Variants in MAGEA11 observed in about 807,000 individuals in gnomAD.
MAGEA11 encodes the protein melanoma-associated antigen 11.
In MAGEA11, 1 loss-of-function variant was observed where a neutral mutation model predicts 8.4. The ratio of observed to expected loss-of-function variants is 0.12; its 90% CI spans 0.04 to 0.57. The LOEUF is 0.57. MAGEA11 is among the 20% of genes least tolerant of loss of function. MAGEA11 has a pLI of 0.91. For synonymous variants in MAGEA11, 127 were observed against 119.3 expected (o/e 1.06, Z -0.42); for missense variants, 209 against 317.3 (o/e 0.66, Z 2.59).
chrX:149,706,240 C>A (rs1557361456), intron 1 of MAGEA11, among the ~76,000 whole-genome samples: 1 of 111,788 alleles, frequency 8.9e-6, no homozygotes, highest in Non-Finnish European at 1.9e-5. Flanking sequence ...CTAATTTGAC[C>A]TGAGGATATT....
chrX:149,715,533 A>T, intron 3 of MAGEA11, 71 bp from the exon 4 acceptor site: 1 of 755,329 alleles, frequency 1.3e-6, no homozygotes, highest in Non-Finnish European at 2.0e-6. Context: ...CACCTGCCCT[A>T]CCTCAGTCCT....
At chrX:149,715,463 C>T in intron 3 of MAGEA11, 141 bp from the exon 4 acceptor site, 1 of 464,024 alleles carries the variant, frequency 2.2e-6, no homozygotes, top group South Asian at 3.3e-5. Context: ...GATGTTCACC[C>T]TTAATCTACA....
Position 149,704,394 on chromosome X carries a change from A to G in MAGEA11, c.10-10087A>G, listed in dbSNP as rs139367530. 4.7e-3 allele frequency among the ~76,000 whole-genome samples: 523 copies of G among 112,454 alleles called. 6 individuals are homozygous for G. Among genetic ancestry groups the G allele is most frequent in the African/African-American group, 0.016 (502 of 30,984 alleles). ...TGAAGACATTAAAGAGTTAAGTGGG[A>G]TTGAGAAGGGACTTCGCTCACTATT... On this transcript the variant is annotated intron_variant, in intron 1 of 3. Transcript: ENST00000333104.
At chrX:149,710,831 AAAAT>A (rs782090675), upstream of MAGEA11, among the ~76,000 whole-genome samples, 257 of 111,135 alleles carry the variant, frequency 2.3e-3, no homozygotes, top group African/African-American at 7.8e-3. Flanking sequence ...CTAAAGAATA[AAAAT>A]AAATAAATAA....
chrX:149,691,292 T>C (rs782068578), intron 1 of MAGEA11, among the ~76,000 whole-genome samples: 87 of 111,683 alleles, frequency 7.8e-4, no homozygotes, highest in African/African-American at 2.7e-3. Flanking sequence ...TATACATTCA[T>C]AAATTTTTAA....
chrX:149,704,339 C>T (rs1364807282), intron 1 of MAGEA11, among the ~76,000 whole-genome samples: 1 of 112,492 alleles, frequency 8.9e-6, no homozygotes, highest in Admixed American at 9.4e-5. Flanking sequence ...TAACAGAACA[C>T]TGGGGATCCA....
At chrX:149,696,958 C>T (rs1336877281) in intron 1 of MAGEA11, among the ~76,000 whole-genome samples, 2 of 111,873 alleles carry the variant, frequency 1.8e-5, no homozygotes, top group Admixed American at 1.9e-4. Flanking sequence ...TTTCCGTGGC[C>T]ACTGGCATCT....
chrX:149,693,751 A>T (rs1249155980), intron 1 of MAGEA11, among the ~76,000 whole-genome samples: 1 of 111,945 alleles, frequency 8.9e-6, no homozygotes, highest in East Asian at 2.8e-4. Flanking sequence ...TCTTGGCAGG[A>T]ATTAATCTAC....
Position 149,713,184 on chromosome X carries a change from G to T in MAGEA11, c.25G>T (p.Gly9Cys). 1 of 1,207,857 alleles carries T rather than the reference G, an allele frequency of 8.3e-7. No individual in the cohort carries two copies. Among genetic ancestry groups the T allele is most frequent in the Non-Finnish European group, 1.1e-6 (1 of 893,594 alleles). METQFRRG[G>C]LGCSPASIKR... ...GATGGAGACTCAGTTCCGCAGAGGG[G>T]GTCTGGGGTGCAGCCCTGCCAGCAT... The change falls in exon 2 of 5, where the codon GGT becomes TGT. Residue 9 changes from glycine (G) to cysteine (C), a missense_variant. Coordinates refer to ENST00000355220, the MANE Select transcript of MAGEA11 (RefSeq NM_005366.5).
intron 1 of MAGEA11, among the ~76,000 whole-genome samples, chrX:149,706,124 A>G (rs997180367): frequency 3.8e-4 from 42 of 111,920 alleles, no homozygotes; most frequent in African/African-American, 1.3e-3. Context: ...CTAAGGCACT[A>G]TAGATGGATC....
intron 3 of MAGEA11, 76 bp downstream of exon 3, chrX:149,714,652 C>A (rs1337027158): frequency 2.7e-5 from 32 of 1,167,225 alleles, no homozygotes; most frequent in Non-Finnish European, 3.2e-5. Flanking sequence ...TGCTCTGCCC[C>A]TGCTGTCTCC....
chrX:149,710,459 G>T (rs926902509), upstream of MAGEA11, among the ~76,000 whole-genome samples: 5 of 110,824 alleles, frequency 4.5e-5, no homozygotes, highest in East Asian at 1.4e-3. Flanking sequence ...GTTTGGTTTT[G>T]TTTTTTTGAG....
At chrX:149,690,560 A>G (rs1414924095) in intron 1 of MAGEA11, among the ~76,000 whole-genome samples, 1 of 112,389 alleles carries the variant, frequency 8.9e-6, no homozygotes, top group Non-Finnish European at 1.9e-5. Flanking sequence ...TTCTCATCCT[A>G]TGGTCTATTC....
chrX:149,705,055 A>G (rs2090370982), intron 1 of MAGEA11, among the ~76,000 whole-genome samples: 1 of 112,570 alleles, frequency 8.9e-6, no homozygotes, highest in Admixed American at 9.4e-5. Context: ...TCCTGCCACT[A>G]GCCCCCGCTA....
At chrX:149,713,078 C>T in intron 1 of MAGEA11, 65 bp from the exon 2 acceptor site, 1 of 705,382 alleles carries the variant, frequency 1.4e-6, no homozygotes, top group Non-Finnish European at 2.2e-6. Context: ...TGAAGGGACC[C>T]AGCACCCCAG....
At chrX:149,699,179 C>T (rs781943952) in intron 1 of MAGEA11, among the ~76,000 whole-genome samples, 5 of 111,799 alleles carry the variant, frequency 4.5e-5, no homozygotes, top group Non-Finnish European at 7.5e-5. Flanking sequence ...CACAATCTAC[C>T]TTCAAATAAT....
At chrX:149,700,872 A>G (rs1859912858) in intron 1 of MAGEA11, among the ~76,000 whole-genome samples, 1 of 105,263 alleles carries the variant, frequency 9.5e-6, no homozygotes. Context: ...AATTTCATCC[A>G]TGTCCCTACA....
chrX:149,712,468 G>A (rs1237912038), intron 1 of MAGEA11, among the ~76,000 whole-genome samples: 7 of 112,202 alleles, frequency 6.2e-5, no homozygotes, highest in Non-Finnish European at 1.1e-4. Context: ...TGCAGACAAC[G>A]CAAAGGACCT....
intron 1 of MAGEA11, among the ~76,000 whole-genome samples, chrX:149,695,950 G>A (rs1557360507): frequency 9.0e-6 from 1 of 111,607 alleles, no homozygotes; most frequent in East Asian, 2.8e-4. Flanking sequence ...TGAATTCAGT[G>A]AGTCACAGAC....
Sources: allele counts gnomAD v4.1 joint callset (sites outside exome capture counted in the v4.1 genomes callset), GRCh38; gene constraint gnomAD v4.1.1; transcripts MANE v1.5; gene names NCBI Gene and HGNC (gene_info 2026-07-23, HGNC 2026-07-21).